SLC8A1: variants seen among roughly 807,000 people sequenced by gnomAD.
The protein encoded by SLC8A1 is solute carrier family 8 member A1, also known as sodium/calcium exchanger 1.
In SLC8A1, 18 loss-of-function variants were observed where a neutral mutation model predicts 68.3. That is an observed-to-expected ratio of 0.26 (90% confidence interval 0.18 to 0.39). The LOEUF is 0.39. Among genes scored for constraint, SLC8A1 ranks in the 10% least tolerant of loss-of-function variants. SLC8A1 has a pLI of 1.00. For missense variants in SLC8A1, 985 were observed against 1,156.7 expected, an observed-to-expected ratio of 0.85 and a Z score of 2.15; for synonymous variants, 475 against 415.5, an observed-to-expected ratio of 1.14 and a Z score of -1.74.
intron 2 of SLC8A1, among the ~76,000 whole-genome samples, chr2:40,183,304 G>C (rs931925000): frequency 2.0e-5 from 3 of 152,154 alleles, no homozygotes; most frequent in African/African-American, 7.2e-5. Flanking sequence ...AAAGGATCTG[G>C]ATCATTAATA....
chr2:40,215,973 G>C (rs904327121), intron 2 of SLC8A1, among the ~76,000 whole-genome samples: 5 of 149,216 alleles, frequency 3.4e-5, no homozygotes, highest in Non-Finnish European at 7.4e-5. Context: ...ATTGCCAATG[G>C]GTGATCATGG....
intron 3 of SLC8A1, 99 bp downstream of exon 4, chr2:40,175,162 G>C: frequency 2.5e-6 from 3 of 1,217,792 alleles, no homozygotes; most frequent in Non-Finnish European, 3.6e-6. Context: ...TTGCTAGCAA[G>C]TCAAGAGAAA....
At chr2:40,210,940 G>A (rs548895020) in intron 2 of SLC8A1, among the ~76,000 whole-genome samples, 1 of 152,322 alleles carries the variant, frequency 6.6e-6, no homozygotes, top group South Asian at 2.1e-4. Flanking sequence ...AAAAGAAGAT[G>A]AGGGATAACT....
At chr2:40,253,252 T>G (rs2063272029) in intron 2 of SLC8A1, among the ~76,000 whole-genome samples, 1 of 150,278 alleles carries the variant, frequency 6.7e-6, no homozygotes, top group South Asian at 2.1e-4. Flanking sequence ...TATACACATA[T>G]GTATACATAT....
chr2:40,159,310 G>A (rs183056807), intron 6 of SLC8A1, among the ~76,000 whole-genome samples: 104 of 152,280 alleles, frequency 6.8e-4, no homozygotes, highest in Non-Finnish European at 1.1e-3. Context: ...GCTGTCATGT[G>A]CCTTGCACCA....
chr2:40,178,462 C>T, intron 2 of SLC8A1: 1 of 1,613,610 alleles, frequency 6.2e-7, no homozygotes, highest in Non-Finnish European at 8.5e-7. Context: ...TCATACTCCT[C>T]ATCATCAATT....
intron 2 of SLC8A1, among the ~76,000 whole-genome samples, chr2:40,412,866 A>G (rs12052650): frequency 0.14 from 21,426 of 152,180 alleles, 2,711 homozygotes; most frequent in East Asian, 0.67. Context: ...CTGAAATGCT[A>G]GAGTGTAATC....
At chr2:40,335,142 G>T (rs561832060) in intron 2 of SLC8A1, among the ~76,000 whole-genome samples, 1 of 152,214 alleles carries the variant, frequency 6.6e-6, no homozygotes, top group Non-Finnish European at 1.5e-5. Context: ...TTTTGGATAT[G>T]GATATGATAT....
intron 2 of SLC8A1, among the ~76,000 whole-genome samples, chr2:40,425,881 T>C (rs988685538): frequency 6.6e-6 from 1 of 152,006 alleles, no homozygotes; most frequent in Admixed American, 6.6e-5. Flanking sequence ...ACTGGGTATA[T>C]ACCCAAAGAA....
chr2:40,105,729 G>A (rs1162872423), exon 8 of SLC8A1: 1 of 150,894 alleles, frequency 6.6e-6, no homozygotes, highest in Non-Finnish European at 1.5e-5. Flanking sequence ...AACAAAACAG[G>A]CTGGTTCACA....
intron 1 of SLC8A1, among the ~76,000 whole-genome samples, chr2:40,468,394 T>C (rs1259794912): frequency 1.3e-5 from 2 of 152,126 alleles, no homozygotes; most frequent in African/African-American, 4.8e-5. Flanking sequence ...AATTGACAAT[T>C]ACTTAGTTTA....
At chr2:40,136,159 T>C (rs1173894441) in intron 7 of SLC8A1, among the ~76,000 whole-genome samples, 1 of 152,166 alleles carries the variant, frequency 6.6e-6, no homozygotes, top group Non-Finnish European at 1.5e-5. Context: ...GGGAAGCCTC[T>C]TTCTCCAGAG....
chr2:40,206,963 T>A (rs1380249704), intron 2 of SLC8A1, among the ~76,000 whole-genome samples: 1 of 152,082 alleles, frequency 6.6e-6, no homozygotes, highest in African/African-American at 2.4e-5. Context: ...ACAGAAAAGC[T>A]GGATTCTGAA....
chr2:40,165,094 A>C (rs2046326150), intron 4 of SLC8A1, 110 bp from the exon 8 acceptor site: 3 of 1,373,244 alleles, frequency 2.2e-6, no homozygotes, highest in Non-Finnish European at 3.0e-6. Context: ...TGACCTACTA[A>C]AGCCCCCTGG....
intron 6 of SLC8A1, among the ~76,000 whole-genome samples, chr2:40,149,408 G>A (rs1364719436): frequency 6.6e-6 from 1 of 152,200 alleles, no homozygotes; most frequent in Non-Finnish European, 1.5e-5. Flanking sequence ...ACTGATATGA[G>A]TTATGAATAT....
At chr2:40,287,008 A>G (rs1378732597) in intron 2 of SLC8A1, among the ~76,000 whole-genome samples, 1 of 152,172 alleles carries the variant, frequency 6.6e-6, no homozygotes, top group Non-Finnish European at 1.5e-5. Context: ...GAGGGTTCTC[A>G]AGTAATATCC....
intron 2 of SLC8A1, chr2:40,251,900 T>C (rs1211074879): frequency 6.6e-6 from 1 of 152,248 alleles, no homozygotes; most frequent in Non-Finnish European, 1.5e-5. Flanking sequence ...GTATTATGAA[T>C]AAAGTCCGTG....
At chr2:40,432,019 T>C (rs750752546) in intron 1 of SLC8A1, among the ~76,000 whole-genome samples, 7 of 151,896 alleles carry the variant, frequency 4.6e-5, no homozygotes, top group Admixed American at 1.3e-4. Flanking sequence ...GGCTGAAAAA[T>C]AGAGGTAGCA....
chr2:40,473,022 C>T (rs1417798541), intron 1 of SLC8A1, among the ~76,000 whole-genome samples: 2 of 150,984 alleles, frequency 1.3e-5, no homozygotes, highest in Non-Finnish European at 2.9e-5. Context: ...AGGAGGGTAA[C>T]CTGAGAGCAG....
Sources: gnomAD v4.1 joint callset for allele counts (sites outside exome capture counted in the v4.1 genomes callset) on GRCh38, gnomAD v4.1.1 for gene constraint, MANE v1.5 for transcripts, NCBI Gene and HGNC (gene_info 2026-07-23, HGNC 2026-07-21) for gene names.